ARFRP1: variants seen among roughly 807,000 people sequenced by gnomAD.
ARFRP1 encodes ADP-ribosylation factor-related protein 1.
In ARFRP1, 19 loss-of-function variants were observed where a neutral mutation model predicts 30.3. The observed-to-expected ratio is 0.63, with a 90% confidence interval of 0.44 to 0.92. ARFRP1 has a LOEUF of 0.92. ARFRP1 is among the 40% of genes least tolerant of loss of function. The pLI is 0.00. For synonymous variants in ARFRP1, 133 were observed against 114.2 expected (o/e 1.16, Z -1.05); for missense variants, 245 against 267.5 (o/e 0.92, Z 0.59).
In ARFRP1 at chr20:63,698,958, C is replaced by T. The variant is rs754230041; in HGVS notation, c.*1485G>A. ...TGGGGCTCAGGCCAGCCCTAGTCGCCGGGGCCCACACTAACCCCCCACTTA... is the reference window on the plus strand; with the variant it reads ...TGGGGCTCAGGCCAGCCCTAGTCGCTGGGGCCCACACTAACCCCCCACTTA... On this transcript the variant is annotated 3_prime_UTR_variant, in exon 8 of 8. Coordinates refer to ENST00000622789, the MANE Select transcript of ARFRP1 (RefSeq NM_001267547.3). 2.2e-4 allele frequency: 36 copies of T among 166,704 alleles called. No homozygotes were observed. The highest frequency in any genetic ancestry group is 1.5e-3 in the Admixed American group (23 of 15,686). The allele number at this position is 166,704 out of a possible 1,614,324, so 10.3% of individuals were successfully genotyped here.
rs1242852179 is a variant in ARFRP1 at position 63,707,043 on chromosome 20, C to T, written c.49G>A (p.Glu17Lys). ...GLYKYMFQKD[E>K]YCILILGLDN... ...AGGCCCAGGATCAGGATGCAGTACT[C>T]GTCCTTCTGAAACATGTACTTGTAC... Residue 17 changes from glutamate to lysine, a missense_variant, in exon 2 of 8, where the codon GAG (glutamate) becomes AAG (lysine). Transcript: ENST00000622789. 1.2e-6 allele frequency: 2 copies of T among 1,613,776 alleles called. No homozygotes were observed. The highest frequency in any genetic ancestry group is 1.7e-6 in the Non-Finnish European group (2 of 1,180,008).
rs2091254862 is a variant in ARFRP1 at position 63,702,281 on chromosome 20, C to A, written c.265-64G>T. 9 of 1,489,420 alleles carry A rather than the reference C, an allele frequency of 6.0e-6. No individual in the cohort carries two copies. The South Asian group carries it at 9.1e-5, about 15-fold the overall frequency. 92.3% of individuals were successfully genotyped at this position (1,489,420 alleles called of 1,614,324 possible). A position where few individuals can be genotyped will look rare whatever the true frequency, so the allele number is the denominator to read the frequency against. Reference sequence around the variant, plus strand: ...CCTGCCAAGGGCCAGCAGAGCCAGGCCTGTGTCATGGCCACAGTGAGGGGC... The same window carrying A: ...CCTGCCAAGGGCCAGCAGAGCCAGGACTGTGTCATGGCCACAGTGAGGGGC... On this transcript the variant is annotated intron_variant, in intron 4 of 7. Transcript: ENST00000622789.
At chr20:63,707,352 C>A (rs181914983) in intron 1 of ARFRP1, 32 of 437,556 alleles carry the variant, frequency 7.3e-5, no homozygotes, top group African/African-American at 4.6e-4. Flanking sequence ...CCCCTGCTCG[C>A]GGGACTACCC....
At chr20:63,705,797 A>G (rs1171370824) in intron 4 of ARFRP1, 1 of 530,820 alleles carries the variant, frequency 1.9e-6, no homozygotes, top group Non-Finnish European at 3.9e-6. Flanking sequence ...CCTGACTGAG[A>G]AAGAAACAGA....
chr20:63,705,972 C>A (rs75186556), intron 4 of ARFRP1: 2 of 347,694 alleles, frequency 5.8e-6, no homozygotes, highest in African/African-American at 2.1e-5. Context: ...CCAGATCCCC[C>A]CCGGCTTCAG....
At chr20:63,700,560 G>C in intron 7 of ARFRP1, 30 bp from the exon 8 acceptor site, 2 of 1,610,590 alleles carry the variant, frequency 1.2e-6, no homozygotes, top group Non-Finnish European at 1.7e-6. Flanking sequence ...GAGGCGGGGG[G>C]TCTCGGTCCC....
rs1229479881 is a variant in ARFRP1 at position 63,707,072 on chromosome 20, C to T, written c.20G>A (p.Gly7Asp). The change falls in exon 2 of 8, where the codon GGC becomes GAC. Residue 7 changes from glycine (G) to aspartate (D), a missense_variant. Transcript: ENST00000622789. ...CTTCTGAAACATGTACTTGTACAAG[C>T]CCGACAGCAGCGTGTACATCCTGCC... MYTLLS[G>D]LYKYMFQKDE... 3 of 1,613,348 alleles carry T rather than the reference C, an allele frequency of 1.9e-6. No individual in the cohort carries two copies. The highest frequency in any genetic ancestry group is 8.5e-7 in the Non-Finnish European group (1 of 1,179,784).
chr20:63,701,775 G>A (rs1479745242), intron 6 of ARFRP1, 55 bp downstream of exon 6: 15 of 1,492,360 alleles, frequency 1.0e-5, no homozygotes, highest in East Asian at 2.5e-5. Context: ...TCCCCTTGCT[G>A]TGGGGGAGGC....
intron 4 of ARFRP1, 30 bp from the exon 5 acceptor site, chr20:63,702,247 A>G: frequency 1.9e-6 from 3 of 1,593,464 alleles, no homozygotes; most frequent in Non-Finnish European, 2.6e-6. Context: ...GTTGGGGCTC[A>G]GTCCCCACCC....
At chr20:63,701,225 G>A (rs774480518) in intron 6 of ARFRP1, 3 of 531,070 alleles carry the variant, frequency 5.6e-6, no homozygotes, top group Non-Finnish European at 1.2e-5. Flanking sequence ...TTGTAGGGGA[G>A]GCCAGCCTTA....
intron 3 of ARFRP1, 33 bp from the exon 4 acceptor site, chr20:63,706,472 A>C: frequency 1.9e-6 from 3 of 1,604,580 alleles, no homozygotes; most frequent in Non-Finnish European, 1.7e-6. Flanking sequence ...AAGGCTCATG[A>C]CCTTGGTCCT....
At position 63,700,445 on chromosome 20, in the gene ARFRP1, ACG is replaced by A; in HGVS notation, c.602_603del (p.Thr201IlefsTer114). On this transcript the variant is annotated frameshift_variant, in exon 8 of 8. Transcript: ENST00000622789. LOFTEE classifies it high-confidence loss of function. The stretch of plus-strand genomic sequence containing the variant: ...TCCCGACGGCAGCGCGGCTGCGCCT[ACG>A]TGATGTCCCTCTGCCGCGGCGGCCG... Reference protein sequence around the residue: ...VHRPPRQRDIT With the variant: ...VHRPPRQRDIX 1 of 1,608,652 alleles carries A rather than the reference ACG, an allele frequency of 6.2e-7. No individual in the cohort carries two copies. Among genetic ancestry groups the A allele is most frequent in the Non-Finnish European group, 8.5e-7 (1 of 1,179,776 alleles).
At chr20:63,701,440 A>G in intron 6 of ARFRP1, 1 of 491,478 alleles carries the variant, frequency 2.0e-6, no homozygotes, top group South Asian at 1.6e-5. Context: ...GCCACCTCCA[A>G]GGGTAGCAGG....
At chr20:63,701,133 T>C (rs540591481) in intron 6 of ARFRP1, 18 of 427,820 alleles carry the variant, frequency 4.2e-5, no homozygotes, top group African/African-American at 3.7e-4. Flanking sequence ...CTGCCCAGTC[T>C]TCAAAAAGCA....
chr20:63,702,326 G>A (rs1312972004), intron 4 of ARFRP1, 109 bp from the exon 5 acceptor site: 16 of 1,068,158 alleles, frequency 1.5e-5, no homozygotes, highest in Non-Finnish European at 2.1e-5. Context: ...GAAGGGGCAA[G>A]AGGGCAGCCC....
At position 63,707,278 on chromosome 20, in the gene ARFRP1, G is replaced by A. The variant is rs1037756590; in HGVS notation, c.-6-181C>T. The A allele has an allele frequency of 5.0e-6, 3 of 603,888 alleles. No homozygotes were observed. In the African/African-American group the frequency reaches 5.6e-5, roughly 11 times the overall value. The allele number at this position is 603,888 out of a possible 1,614,324, so 37.4% of individuals were successfully genotyped here. ...CTCTGTAACTTCTCCCAGGTCAGCC[G>A]CCACTGTGTCCTGCTCACAGCAATG... On this transcript the variant is annotated intron_variant, in intron 1 of 7. Coordinates refer to ENST00000622789, the MANE Select transcript of ARFRP1 (RefSeq NM_001267547.3).
At chr20:63,705,859 C>G in intron 4 of ARFRP1, 1 of 458,968 alleles carries the variant, frequency 2.2e-6, no homozygotes, top group East Asian at 5.7e-5. Flanking sequence ...GGCTCAAACC[C>G]AAGCCAGGGT....
chr20:63,702,183 A>G lies in ARFRP1; in HGVS notation c.299T>C (p.Ile100Thr), dbSNP rs2145548488. Residue 100 changes from isoleucine (I) to threonine (T), a missense_variant, in exon 5 of 8, where the codon ATT (isoleucine) becomes ACT (threonine). By Grantham distance (89) the Ile-to-Thr change is moderately conservative (BLOSUM62 -1). Transcript: ENST00000622789. ...CAGCCTCTCCTCGTCGGTGGAGTCA[A>G]TGACGTAGATGACGCCGTGACACTC... Reference protein sequence around the residue: ...YAECHGVIYVIDSTDEERLAE... With the variant: ...YAECHGVIYVTDSTDEERLAE... 1 of 1,612,066 alleles carries G rather than the reference A, an allele frequency of 6.2e-7. No individual in the cohort carries two copies. The highest frequency in any genetic ancestry group is 1.7e-4 in the Middle Eastern group (1 of 6,060).
chr20:63,702,094 A>C (rs917593207), intron 5 of ARFRP1, 42 bp downstream of exon 5: 2 of 1,555,040 alleles, frequency 1.3e-6, no homozygotes, highest in Non-Finnish European at 1.7e-6. Context: ...ACCTGCCCCC[A>C]CTCACCATCC....
Sources: gnomAD v4.1 joint callset for allele counts on GRCh38, gnomAD v4.1.1 for gene constraint, MANE v1.5 for transcripts, NCBI Gene and HGNC (gene_info 2026-07-23, HGNC 2026-07-21) for gene names.